The following CDH18 variants were observed in gnomAD, a reference collection of about 807,000 sequenced individuals.
The protein encoded by CDH18 is cadherin 18.
Under a neutral mutation model 67.9 loss-of-function variants are expected in CDH18, and 31 were observed. The observed-to-expected ratio is 0.46, with a 90% CI of 0.34 to 0.62. CDH18 has a LOEUF of 0.62. CDH18 is among the 20% of genes least tolerant of loss of function. The probability of loss-of-function intolerance (pLI) is 0.01; values close to 1 mark genes in which losing one functional copy is unlikely to be tolerated. For synonymous variants in CDH18, 362 were observed against 347.2 expected (o/e 1.04, Z -0.48); for missense variants, 890 against 975.5 (o/e 0.91, Z 1.17).
chr5:19,646,320 T>C (rs1406816026), intron 5 of CDH18, among the ~76,000 whole-genome samples: 3 of 152,110 alleles, frequency 2.0e-5, no homozygotes, highest in African/African-American at 7.2e-5. Context: ...ACAACATTCA[T>C]CAATAAACTT....
chr5:19,668,136 C>A (rs1380596460), intron 5 of CDH18, among the ~76,000 whole-genome samples: 1 of 151,922 alleles, frequency 6.6e-6, no homozygotes, highest in African/African-American at 2.4e-5. Flanking sequence ...TGGGACAAAT[C>A]TGAAATAATT....
At chr5:20,373,812 A>G (rs1009647330) in intron 1 of CDH18, among the ~76,000 whole-genome samples, 2 of 152,116 alleles carry the variant, frequency 1.3e-5, no homozygotes, top group African/African-American at 4.8e-5. Context: ...CATTTCATTT[A>G]TGCTATTATT....
chr5:19,871,128 G>A (rs1561480474), intron 2 of CDH18, among the ~76,000 whole-genome samples: 1 of 152,076 alleles, frequency 6.6e-6, no homozygotes. Context: ...TTCGTGAGTG[G>A]AAGAGCTGTT....
chr5:19,604,115 T>C (rs1747633146), intron 6 of CDH18, among the ~76,000 whole-genome samples: 2 of 152,048 alleles, frequency 1.3e-5, no homozygotes, highest in Non-Finnish European at 2.9e-5. Context: ...GTGGGAATAA[T>C]AAAAGGGCAT....
chr5:19,597,706 T>C (rs1746398256), intron 6 of CDH18, among the ~76,000 whole-genome samples: 1 of 152,196 alleles, frequency 6.6e-6, no homozygotes, highest in Non-Finnish European at 1.5e-5. Flanking sequence ...TAAAGTAACA[T>C]ACTATTGAAG....
chr5:19,899,547 G>A (rs1789710717), intron 2 of CDH18, among the ~76,000 whole-genome samples: 1 of 152,094 alleles, frequency 6.6e-6, no homozygotes, highest in South Asian at 2.1e-4. Flanking sequence ...AAAGAATGAG[G>A]AGGCTCCTCA....
chr5:19,702,127 GTTCT>G lies in CDH18; in HGVS notation c.643+19216_643+19219del, dbSNP rs201545455. ...GCTCCCCGCTACACTCTTCTGCAGT[GTTCT>G]TTCTTTCTTTCTCTCTCTTTTTTTT... On this transcript the variant is annotated intron_variant, in intron 5 of 12. Coordinates refer to ENST00000382275, the MANE Select transcript of CDH18 (RefSeq NM_004934.5). Among the ~76,000 whole-genome samples, 614 of 143,402 alleles carry G rather than the reference GTTCT, an allele frequency of 4.3e-3. 7 individuals carry two copies. The highest frequency in any genetic ancestry group is 0.015 in the African/African-American group (588 of 38,592). 94.1% of individuals were successfully genotyped at this position (143,402 alleles called of 152,430 possible). A position where few individuals can be genotyped will look rare whatever the true frequency, so the allele number is the denominator to read the frequency against.
At chr5:19,667,721 T>C (rs1156993932) in intron 5 of CDH18, among the ~76,000 whole-genome samples, 18 of 151,756 alleles carry the variant, frequency 1.2e-4, no homozygotes, top group Admixed American at 1.2e-3. Context: ...AATATTCTGC[T>C]TTACAAAGTT....
intron 1 of CDH18, among the ~76,000 whole-genome samples, chr5:20,476,102 C>T (rs1055354134): frequency 6.6e-6 from 1 of 152,098 alleles, no homozygotes; most frequent in African/African-American, 2.4e-5. Context: ...TCAATCCATG[C>T]AATTTAAATA....
At chr5:19,928,273 C>T (rs1793303040) in intron 2 of CDH18, among the ~76,000 whole-genome samples, 1 of 152,128 alleles carries the variant, frequency 6.6e-6, no homozygotes, top group Non-Finnish European at 1.5e-5. Flanking sequence ...TGCTCAGCCA[C>T]ATGTTATTTG....
At chr5:20,455,357 G>A (rs978025494) in intron 1 of CDH18, among the ~76,000 whole-genome samples, 1 of 152,032 alleles carries the variant, frequency 6.6e-6, no homozygotes, top group African/African-American at 2.4e-5. Context: ...ATGGATTTAA[G>A]GAGAGCAAGA....
chr5:19,790,146 A>G (rs1776208472), intron 3 of CDH18, among the ~76,000 whole-genome samples: 1 of 152,100 alleles, frequency 6.6e-6, no homozygotes, highest in South Asian at 2.1e-4. Flanking sequence ...TTATATGCTC[A>G]TAACACCCCT....
At chr5:19,611,985 T>TGC (rs1749048085) in intron 6 of CDH18, among the ~76,000 whole-genome samples, 1 of 150,784 alleles carries the variant, frequency 6.6e-6, no homozygotes, top group African/African-American at 2.5e-5. Flanking sequence ...TGTGTGTGTG[T>TGC]GCATACATGC....
chr5:19,746,867 A>T (rs1770067697), intron 4 of CDH18, 75 bp downstream of exon 4: 1 of 1,174,208 alleles, frequency 8.5e-7, no homozygotes, highest in Non-Finnish European at 1.2e-6. Flanking sequence ...TATAAGTAAA[A>T]ATTGGTATTC....
intron 2 of CDH18, among the ~76,000 whole-genome samples, chr5:20,212,917 C>T (rs1047838184): frequency 1.3e-5 from 2 of 151,954 alleles, no homozygotes; most frequent in African/African-American, 2.4e-5. Context: ...CATTTTTTTA[C>T]TGTTTTGCTT....
At position 19,783,459 on chromosome 5, in the gene CDH18, G is replaced by A. The variant is rs535675854; in HGVS notation, c.229-36223C>T. Among the ~76,000 whole-genome samples the A allele has an allele frequency of 2.6e-5, 4 of 152,192 alleles. No homozygotes were observed. The South Asian group carries it at 6.2e-4, about 24-fold the overall frequency. ...ATTTTTCTGCTTTCAAACATCAAAA[G>A]TGAGAAAAATGTGCCTGACAGGAGT... On this transcript the variant is annotated intron_variant, in intron 3 of 12. Coordinates refer to ENST00000382275, the MANE Select transcript of CDH18 (RefSeq NM_004934.5).
intron 3 of CDH18, among the ~76,000 whole-genome samples, chr5:19,806,952 C>T (rs1778104747): frequency 6.6e-6 from 1 of 152,194 alleles, no homozygotes; most frequent in Non-Finnish European, 1.5e-5. Context: ...CTACTACACA[C>T]TAAGACTATA....
At chr5:20,049,099 A>G (rs1332838038) in intron 2 of CDH18, among the ~76,000 whole-genome samples, 1 of 151,742 alleles carries the variant, frequency 6.6e-6, no homozygotes, top group African/African-American at 2.4e-5. Context: ...ATCAACTAAC[A>G]TGTATTTACT....
At chr5:20,395,071 A>T (rs1415461237) in intron 1 of CDH18, among the ~76,000 whole-genome samples, 1 of 152,150 alleles carries the variant, frequency 6.6e-6, no homozygotes, top group Non-Finnish European at 1.5e-5. Context: ...ATTATTCAAT[A>T]CAGAAATTCT....
Sources: gnomAD v4.1 joint callset for allele counts (sites outside exome capture counted in the v4.1 genomes callset) on GRCh38, gnomAD v4.1.1 for gene constraint, MANE v1.5 for transcripts, NCBI Gene and HGNC (gene_info 2026-07-23, HGNC 2026-07-21) for gene names.